Variants in GUCA1C observed in about 807,000 individuals in gnomAD.
GUCA1C encodes the protein guanylate cyclase activator 1C, also known as guanylyl cyclase-activating protein 3.
A neutral mutation model predicts 16.2 loss-of-function variants in GUCA1C; 15 were observed. The observed-to-expected ratio is 0.93, with a 90% CI of 0.62 to 1.43. GUCA1C has a LOEUF of 1.43. Among genes scored for constraint, GUCA1C ranks in the 40% most tolerant of loss-of-function variants. GUCA1C has a pLI of 0.00. For missense variants in GUCA1C, 275 were observed against 244.8 expected (o/e 1.12, Z -0.82); for synonymous variants, 78 against 85.4 (o/e 0.91, Z 0.48).
At chr3:108,927,063 C>A (rs1283709857) in intron 1 of GUCA1C, among the ~76,000 whole-genome samples, 2 of 152,108 alleles carry the variant, frequency 1.3e-5, no homozygotes, top group Admixed American at 6.6e-5. Context: ...GGACCCCAAT[C>A]CCTTCTAGCT....
At chr3:108,943,811 G>A (rs1002535708) in intron 1 of GUCA1C, among the ~76,000 whole-genome samples, 2 of 152,034 alleles carry the variant, frequency 1.3e-5, no homozygotes, top group African/African-American at 4.8e-5. Flanking sequence ...AAAGTCCATT[G>A]TATGATTCTT....
chr3:108,944,237 CTTAAG>C (rs1369074847), intron 1 of GUCA1C, among the ~76,000 whole-genome samples: 1 of 151,984 alleles, frequency 6.6e-6, no homozygotes, highest in East Asian at 1.9e-4. Flanking sequence ...AGTGAGCCTA[CTTAAG>C]TTGTTTCCTG....
At chr3:108,917,019 C>A (rs1181090701) in intron 2 of GUCA1C, among the ~76,000 whole-genome samples, 5 of 152,176 alleles carry the variant, frequency 3.3e-5, no homozygotes, top group Non-Finnish European at 7.3e-5. Context: ...CAAGCATTAC[C>A]AAACTTGAGT....
At chr3:108,912,621 C>T (rs1167244309) in intron 3 of GUCA1C, among the ~76,000 whole-genome samples, 1 of 150,690 alleles carries the variant, frequency 6.6e-6, no homozygotes, top group Non-Finnish European at 1.5e-5. Context: ...GGCACCTGGT[C>T]TGATTTCCCA....
chr3:108,920,127 C>T (rs1946555359), intron 2 of GUCA1C, among the ~76,000 whole-genome samples: 1 of 152,132 alleles, frequency 6.6e-6, no homozygotes, highest in African/African-American at 2.4e-5. Context: ...CTATTCCTCA[C>T]AAGGCATTCT....
intron 3 of GUCA1C, among the ~76,000 whole-genome samples, chr3:108,911,533 T>C (rs1290600049): frequency 1.3e-5 from 2 of 152,240 alleles, no homozygotes; most frequent in African/African-American, 2.4e-5. Context: ...GTGAAGATTT[T>C]GAATGTCACA....
chr3:108,929,606 T>A (rs1946649462), intron 1 of GUCA1C, among the ~76,000 whole-genome samples: 4 of 152,146 alleles, frequency 2.6e-5, no homozygotes, highest in South Asian at 4.2e-4. Flanking sequence ...ATATTCTTTA[T>A]CAAGTTGAGA....
At chr3:108,938,824 A>G (rs147503184) in intron 1 of GUCA1C, among the ~76,000 whole-genome samples, 1 of 152,356 alleles carries the variant, frequency 6.6e-6, no homozygotes, top group East Asian at 1.9e-4. Flanking sequence ...GGGTTCTGAG[A>G]CAAATGACTT....
At chr3:108,922,241 T>A (rs1946577346) in intron 1 of GUCA1C, among the ~76,000 whole-genome samples, 1 of 152,018 alleles carries the variant, frequency 6.6e-6, no homozygotes. Flanking sequence ...ACTCATTGAA[T>A]GACAGGCATT....
intron 3 of GUCA1C, among the ~76,000 whole-genome samples, chr3:108,911,191 T>C (rs2107272127): frequency 6.6e-6 from 1 of 152,260 alleles, no homozygotes; most frequent in East Asian, 1.9e-4. Context: ...TTAGTCCTGT[T>C]TTTGCAATCC....
chr3:108,940,145 A>G (rs1946771353), intron 1 of GUCA1C, among the ~76,000 whole-genome samples: 2 of 152,226 alleles, frequency 1.3e-5, no homozygotes, highest in Admixed American at 1.3e-4. Context: ...TATTATCACA[A>G]CAAATGCTTC....
At chr3:108,940,772 C>G (rs1470040384) in intron 1 of GUCA1C, among the ~76,000 whole-genome samples, 1 of 152,224 alleles carries the variant, frequency 6.6e-6, no homozygotes, top group Non-Finnish European at 1.5e-5. Flanking sequence ...TACAGACAAA[C>G]ATTCCATTCA....
At chr3:108,931,865 C>CTTTTTTTTTTTT (rs59451506) in intron 1 of GUCA1C, among the ~76,000 whole-genome samples, 4 of 110,142 alleles carry the variant, frequency 3.6e-5, no homozygotes, top group Non-Finnish European at 7.1e-5. Context: ...TTTCTTCCTT[C>CTTTTTTTTTTTT]TTTTTTTTTT....
intron 1 of GUCA1C, among the ~76,000 whole-genome samples, chr3:108,924,341 T>G (rs1946599955): frequency 6.6e-6 from 1 of 152,094 alleles, no homozygotes; most frequent in African/African-American, 2.4e-5. Context: ...TGCTGAGGGT[T>G]TTAATCATAA....
intron 1 of GUCA1C, among the ~76,000 whole-genome samples, chr3:108,952,583 G>A (rs113280321): frequency 7.9e-5 from 12 of 151,966 alleles, no homozygotes; most frequent in Non-Finnish European, 1.6e-4. Flanking sequence ...TAAGTCACCT[G>A]CTTCTTGGTT....
At chr3:108,915,701 G>T (rs1946502517) in intron 3 of GUCA1C, among the ~76,000 whole-genome samples, 1 of 152,156 alleles carries the variant, frequency 6.6e-6, no homozygotes, top group African/African-American at 2.4e-5. Context: ...GATAGTAGAA[G>T]AAGATAGCAT....
chr3:108,943,938 C>CTCA lies in GUCA1C; in HGVS notation c.204+9620_204+9621insTGA, dbSNP rs1171098485. Among the ~76,000 whole-genome samples, 5 of 152,150 alleles carry CTCA rather than the reference C, an allele frequency of 3.3e-5. No individual in the cohort carries two copies. In the East Asian group the frequency reaches 9.7e-4, roughly 29 times the overall value. ...ATAGTCTCCAATCTCATCCAGGTCA[C>CTCA]TCCACCTGTACCCCAATAACTTATA... On this transcript the variant is annotated intron_variant, in intron 1 of 3. Coordinates refer to ENST00000261047, the MANE Select transcript of GUCA1C (RefSeq NM_005459.4).
chr3:108,927,014 C>A (rs957917978), intron 1 of GUCA1C, among the ~76,000 whole-genome samples: 9 of 152,146 alleles, frequency 5.9e-5, no homozygotes, highest in Non-Finnish European at 1.3e-4. Context: ...ATACAAAATT[C>A]TTGGCTGATA....
rs374759057 is a variant in GUCA1C, at chr3:108,908,115, C to G, written c.537G>C (p.Leu179=). The change falls in exon 4 of 4, where the codon CTG becomes CTC. Residue 179 remains leucine (L), a synonymous_variant. Coordinates refer to ENST00000261047, the MANE Select transcript of GUCA1C (RefSeq NM_005459.4). ...GCTGCTTCCCATTACAGATTACTCT[C>G]AGCACATTGGAGAAGTCGAAGCTCT... is the stretch of plus-strand genomic sequence containing the variant. ...VYKSFDFSNV[L]RVICNGKQPD... 5.0e-6 allele frequency: 8 copies of G among 1,613,486 alleles called. No individual in the cohort carries two copies. The African/African-American group carries it at 1.1e-4, about 22-fold the overall frequency.
Sources: allele counts gnomAD v4.1 joint callset (sites outside exome capture counted in the v4.1 genomes callset), GRCh38; gene constraint gnomAD v4.1.1; transcripts MANE v1.5; gene names NCBI Gene and HGNC (gene_info 2026-07-23, HGNC 2026-07-21).